Variants in NEIL3 observed in about 807,000 individuals in gnomAD.
NEIL3 encodes nei like DNA glycosylase 3, also known as endonuclease 8-like 3.
A neutral mutation model predicts 57.5 loss-of-function variants in NEIL3; 48 were observed. That is an observed-to-expected ratio of 0.83 (90% CI 0.66 to 1.06). The LOEUF (loss-of-function observed/expected upper bound fraction) is 1.06, where lower values mean the gene tolerates loss of function less well. Ranked by LOEUF, NEIL3 falls within the 50% of genes least tolerant of loss-of-function variation. The pLI, the probability that NEIL3 is intolerant of heterozygous loss-of-function variation, is 0.00. For synonymous variants in NEIL3, 261 were observed against 253.2 expected (o/e 1.03, Z -0.29); for missense variants, 717 against 739.1 (o/e 0.97, Z 0.35).
the NEIL3 span, among the ~76,000 whole-genome samples, chr4:177,369,299 T>G: frequency 1.3e-5 from 2 of 152,174 alleles, no homozygotes; most frequent in African/African-American, 2.4e-5. Flanking sequence ...AGGCATAGCA[T>G]ATACAAAGAT....
chr4:177,315,679 A>G (rs1437530106), intron 1 of NEIL3, among the ~76,000 whole-genome samples: 1 of 152,234 alleles, frequency 6.6e-6, no homozygotes, highest in African/African-American at 2.4e-5. Context: ...TTTGTACACA[A>G]TAGCTCTTAA....
At chr4:177,333,803 C>T (rs536281682) in intron 2 of NEIL3, among the ~76,000 whole-genome samples, 2 of 152,100 alleles carry the variant, frequency 1.3e-5, no homozygotes, top group Non-Finnish European at 2.9e-5. Flanking sequence ...ATTGACGAAC[C>T]CAGCTTGGAT....
At chr4:177,321,719 CTTTA>C (rs894722378) in intron 1 of NEIL3, among the ~76,000 whole-genome samples, 1 of 152,052 alleles carries the variant, frequency 6.6e-6, no homozygotes, top group Non-Finnish European at 1.5e-5. Context: ...TTTATTTTTT[CTTTA>C]TTCTTAACAT....
At chr4:177,359,802 A>C (rs1453877091) in intron 8 of NEIL3, among the ~76,000 whole-genome samples, 2 of 152,218 alleles carry the variant, frequency 1.3e-5, no homozygotes, top group Non-Finnish European at 2.9e-5. Flanking sequence ...ATACAGCTAC[A>C]GTACAAGGCC....
chr4:177,353,329 A>G lies in NEIL3; in HGVS notation c.1061A>G (p.Glu354Gly). The change falls in exon 8 of 10, where the codon GAA becomes GGA. Residue 354 changes from glutamate to glycine, a missense_variant. Physicochemically the swap from Glu to Gly is moderately conservative, Grantham distance 98. Coordinates refer to ENST00000264596, the MANE Select transcript of NEIL3 (RefSeq NM_018248.3). ...CCAGATTCAGTGCTCAAGAGTGAAG[A>G]AAATTCTACTGTCTTTAGCCACTTA... ...RPIDSVLKSEENSTVFSHLMK... is the reference protein window; with the variant it reads ...RPIDSVLKSEGNSTVFSHLMK... 1 of 1,612,728 alleles carries G rather than the reference A, an allele frequency of 6.2e-7. No individual in the cohort carries two copies.
At chr4:177,322,294 T>C (rs1734699494) in intron 1 of NEIL3, among the ~76,000 whole-genome samples, 165 bp from the exon 2 acceptor site, 1 of 152,238 alleles carries the variant, frequency 6.6e-6, no homozygotes, top group East Asian at 1.9e-4. Flanking sequence ...TTTGACAAAA[T>C]GTATGTAAAC....
At chr4:177,369,634 G>A in the NEIL3 span, among the ~76,000 whole-genome samples, 1 of 152,116 alleles carries the variant, frequency 6.6e-6, no homozygotes, top group African/African-American at 2.4e-5. Flanking sequence ...TGGTATGCAT[G>A]GTGGTTAGTC....
At chr4:177,321,447 A>G (rs547617512) in intron 1 of NEIL3, among the ~76,000 whole-genome samples, 2 of 152,188 alleles carry the variant, frequency 1.3e-5, no homozygotes, top group Admixed American at 6.5e-5. Context: ...TTTATAAAAC[A>G]TATATAAATA....
At chr4:177,334,573 T>G (rs1454326270) in intron 2 of NEIL3, among the ~76,000 whole-genome samples, 1 of 152,186 alleles carries the variant, frequency 6.6e-6, no homozygotes, top group African/African-American at 2.4e-5. Flanking sequence ...TTGTACACCT[T>G]TCACTGGGGT....
chr4:177,341,464 T>C lies in NEIL3; in HGVS notation c.703-12T>C, dbSNP rs751395942. 1.3e-4 allele frequency: 205 copies of C among 1,553,302 alleles called. No homozygotes were observed. The highest frequency in any genetic ancestry group is 1.7e-4 in the Non-Finnish European group (196 of 1,155,646). ...GTGGATAACAGAATTTTTTGGTTTT[T>C]TTTTTTTTTAGTGCCGTAAAGCAGG... On this transcript the variant is annotated splice_polypyrimidine_tract_variant and intron_variant, in intron 5 of 9. Coordinates refer to ENST00000264596, the MANE Select transcript of NEIL3 (RefSeq NM_018248.3).
chr4:177,370,048 C>G, the NEIL3 span, among the ~76,000 whole-genome samples: 1 of 152,158 alleles, frequency 6.6e-6, no homozygotes. Flanking sequence ...ATGGAAGGAA[C>G]AGTGCAAAAG....
At chr4:177,349,134 G>A (rs1471946330) in intron 6 of NEIL3, among the ~76,000 whole-genome samples, 2 of 149,160 alleles carry the variant, frequency 1.3e-5, no homozygotes, top group East Asian at 2.0e-4. Context: ...CACACGTCTC[G>A]GCCTCCCAAA....
chr4:177,315,299 A>G (rs1341941872), intron 1 of NEIL3, among the ~76,000 whole-genome samples: 1 of 152,268 alleles, frequency 6.6e-6, no homozygotes, highest in Admixed American at 6.5e-5. Flanking sequence ...ACAATAAATC[A>G]TGTGCTGTCT....
At chr4:177,321,352 G>A (rs1734681141) in intron 1 of NEIL3, among the ~76,000 whole-genome samples, 1 of 152,188 alleles carries the variant, frequency 6.6e-6, no homozygotes, top group East Asian at 1.9e-4. Flanking sequence ...ATGTAATTCT[G>A]TGTACCCTAT....
At chr4:177,316,711 A>G (rs926683066) in intron 1 of NEIL3, among the ~76,000 whole-genome samples, 15 of 152,170 alleles carry the variant, frequency 9.9e-5, no homozygotes, top group African/African-American at 3.6e-4. Context: ...GGCATTGTGT[A>G]AAGCCATCAA....
Position 177,310,041 on chromosome 4 carries a change from A to G in NEIL3, c.88A>G (p.Ser30Gly), listed in dbSNP as rs1734446025. The G allele has an allele frequency of 1.2e-6, 2 of 1,609,910 alleles. No homozygotes were observed. Among genetic ancestry groups the G allele is most frequent in the Non-Finnish European group, 1.7e-6 (2 of 1,178,808 alleles). ...PGQAVTGVRG[S>G]ALRSLQGRAL... The stretch of plus-strand genomic sequence containing the variant: ...CCAGGCGGTGACCGGCGTGCGGGGA[A>G]GCGCTCTGCGGAGTCTGCAGGGCCG... Residue 30 changes from serine to glycine, a missense_variant, in exon 1 of 10, where the codon AGC becomes GGC. Physicochemically the swap from Ser to Gly is moderately conservative, Grantham distance 56. Coordinates refer to ENST00000264596, the MANE Select transcript of NEIL3 (RefSeq NM_018248.3).
chr4:177,311,695 A>T (rs888260288), intron 1 of NEIL3, among the ~76,000 whole-genome samples: 3 of 146,534 alleles, frequency 2.0e-5, no homozygotes, highest in Non-Finnish European at 4.5e-5. Flanking sequence ...AAAAAAAAAA[A>T]GCTGAGGTGT....
intron 6 of NEIL3, among the ~76,000 whole-genome samples, chr4:177,342,457 G>A (rs1054134850): frequency 1.2e-4 from 18 of 151,988 alleles, no homozygotes; most frequent in Middle Eastern, 3.2e-3. Flanking sequence ...ATAAGATTAT[G>A]TAGTATAAAG....
chr4:177,315,052 G>C (rs992474938), intron 1 of NEIL3, among the ~76,000 whole-genome samples: 5 of 134,238 alleles, frequency 3.7e-5, no homozygotes, highest in African/African-American at 1.4e-4. Context: ...CTGGGCAACA[G>C]AGCGAGACTC....
Sources: gnomAD v4.1 joint callset for allele counts (sites outside exome capture counted in the v4.1 genomes callset) on GRCh38, gnomAD v4.1.1 for gene constraint, MANE v1.5 for transcripts, NCBI Gene and HGNC (gene_info 2026-07-23, HGNC 2026-07-21) for gene names.